The following SNX24 variants were observed in gnomAD, a reference collection of about 807,000 sequenced individuals.
The protein encoded by SNX24 is sorting nexin 24.
SNX24 carries 22 observed loss-of-function variants against 28.7 expected under a neutral mutation model. That is an observed-to-expected ratio of 0.77 (90% CI 0.55 to 1.10). The LOEUF is 1.10. Ranked by LOEUF, SNX24 falls within the 50% of genes least tolerant of loss-of-function variation. The probability of loss-of-function intolerance (pLI) is 0.00; values close to 1 mark genes in which losing one functional copy is unlikely to be tolerated. For synonymous variants in SNX24, 69 were observed against 71.5 expected (o/e 0.96, Z 0.18); for missense variants, 221 against 201.1 (o/e 1.10, Z -0.60).
In SNX24 at chr5:123,015,596, C is replaced by T. The variant is rs181321550; in HGVS notation, n.383+13592C>T. Among the ~76,000 whole-genome samples the T allele has an allele frequency of 8.9e-4, 135 of 152,250 alleles. 1 individual carries two copies. Among genetic ancestry groups the T allele is most frequent in the African/African-American group, 3.1e-3 (128 of 41,550 alleles). ...AGCATCACCCAAGAACTCTGTACAA[C>T]TTTTCAGGCCCTACCCCAGACTTGC... On this transcript the variant is annotated intron_variant and non_coding_transcript_variant, in intron 5 of 5. Transcript: ENST00000502387.
At chr5:122,900,107 A>G (rs1010703619) in intron 1 of SNX24, among the ~76,000 whole-genome samples, 1 of 149,908 alleles carries the variant, frequency 6.7e-6, no homozygotes, top group Non-Finnish European at 1.5e-5. Context: ...GCTGCCTTGA[A>G]CTCTCAGGCT....
chr5:122,909,656 A>C (rs1434557032), intron 1 of SNX24, among the ~76,000 whole-genome samples: 2 of 152,168 alleles, frequency 1.3e-5, no homozygotes, highest in African/African-American at 4.8e-5. Context: ...CTTACCTATT[A>C]AGATGACTTC....
intron 1 of SNX24, among the ~76,000 whole-genome samples, chr5:122,854,539 A>G (rs201702866): frequency 6.6e-6 from 1 of 150,786 alleles, no homozygotes; most frequent in Non-Finnish European, 1.5e-5. Context: ...AAAAAAAAAA[A>G]CATAGTGTTA....
At chr5:122,973,619 G>A (rs983586027) in intron 3 of SNX24, among the ~76,000 whole-genome samples, 3 of 152,208 alleles carry the variant, frequency 2.0e-5, no homozygotes, top group African/African-American at 7.2e-5. Context: ...GCTCAAGCCT[G>A]ATTACGTATA....
chr5:122,922,700 T>C (rs1232828651), intron 1 of SNX24, among the ~76,000 whole-genome samples: 2 of 152,190 alleles, frequency 1.3e-5, no homozygotes, highest in South Asian at 2.1e-4. Context: ...TTACAATTTT[T>C]CCCCCAGTGG....
chr5:122,890,218 T>C (rs1327508414), intron 1 of SNX24, among the ~76,000 whole-genome samples: 1 of 152,186 alleles, frequency 6.6e-6, no homozygotes, highest in Non-Finnish European at 1.5e-5. Flanking sequence ...AATGCTAATT[T>C]TGACCACTGG....
intron 1 of SNX24, among the ~76,000 whole-genome samples, chr5:122,906,383 T>G (rs1757646699): frequency 6.6e-6 from 1 of 152,230 alleles, no homozygotes; most frequent in Non-Finnish European, 1.5e-5. Flanking sequence ...TGGGTCTGAT[T>G]TGAATCAATT....
chr5:123,020,591 C>G (rs1158738303), intron 5 of SNX24, among the ~76,000 whole-genome samples: 1 of 152,202 alleles, frequency 6.6e-6, no homozygotes, highest in African/African-American at 2.4e-5. Flanking sequence ...CAATTCACAT[C>G]TTTACACATA....
intron 1 of SNX24, among the ~76,000 whole-genome samples, chr5:122,866,372 C>A (rs1235619635): frequency 6.6e-6 from 1 of 152,168 alleles, no homozygotes; most frequent in Non-Finnish European, 1.5e-5. Context: ...TGGTCTGGAG[C>A]TCCTGAACTC....
chr5:122,851,477 G>A (rs904275187), intron 1 of SNX24, among the ~76,000 whole-genome samples: 2 of 152,112 alleles, frequency 1.3e-5, no homozygotes, highest in African/African-American at 4.8e-5. Flanking sequence ...TTAGACTTCA[G>A]TTTTTATAGC....
intron 1 of SNX24, chr5:122,853,700 C>T (rs1026697255): frequency 2.2e-5 from 9 of 412,518 alleles, no homozygotes; most frequent in African/African-American, 6.1e-5. Context: ...GTTGCCCAGG[C>T]AGGCCCTGAA....
intron 3 of SNX24, among the ~76,000 whole-genome samples, chr5:122,997,886 G>T (rs912681821): frequency 3.3e-5 from 5 of 151,938 alleles, no homozygotes; most frequent in Non-Finnish European, 7.4e-5. Flanking sequence ...TACAAATTAG[G>T]CTTTATTATT....
At chr5:122,997,301 G>T (rs1269258810) in intron 3 of SNX24, among the ~76,000 whole-genome samples, 1 of 152,056 alleles carries the variant, frequency 6.6e-6, no homozygotes, top group Non-Finnish European at 1.5e-5. Context: ...GTACATATTG[G>T]TCATTGTTTT....
intron 1 of SNX24, among the ~76,000 whole-genome samples, chr5:122,899,741 A>G (rs776570164): frequency 1.5e-4 from 23 of 152,298 alleles, no homozygotes; most frequent in Non-Finnish European, 1.5e-4. Flanking sequence ...TTCCTTCAGC[A>G]CTTAATTTGA....
chr5:122,879,997 G>T (rs1193463291), intron 1 of SNX24, among the ~76,000 whole-genome samples: 1 of 152,164 alleles, frequency 6.6e-6, no homozygotes, highest in African/African-American at 2.4e-5. Flanking sequence ...TACCATTGTA[G>T]ATTTTTTCAA....
intron 1 of SNX24, among the ~76,000 whole-genome samples, chr5:122,892,214 C>A (rs116565306): frequency 6.6e-6 from 1 of 152,120 alleles, no homozygotes; most frequent in Non-Finnish European, 1.5e-5. Context: ...CCCACACCCA[C>A]ACACATAACA....
intron 5 of SNX24, among the ~76,000 whole-genome samples, chr5:123,024,443 A>G (rs1762820688): frequency 6.6e-6 from 1 of 152,218 alleles, no homozygotes; most frequent in Non-Finnish European, 1.5e-5. Context: ...AAGCAGATTC[A>G]GAAATGGACC....
chr5:122,847,115 A>G (rs1754674700), intron 1 of SNX24, among the ~76,000 whole-genome samples: 1 of 152,152 alleles, frequency 6.6e-6, no homozygotes, highest in African/African-American at 2.4e-5. Flanking sequence ...CTGAAGATAA[A>G]AAGGCTGCTT....
chr5:122,913,419 G>A (rs1408319572), intron 1 of SNX24, among the ~76,000 whole-genome samples: 14 of 150,666 alleles, frequency 9.3e-5, no homozygotes, highest in Admixed American at 1.3e-4. Context: ...CCTCCCGGAC[G>A]GGGCGGCTGG....
Sources: gnomAD v4.1 joint callset for allele counts (sites outside exome capture counted in the v4.1 genomes callset) on GRCh38, gnomAD v4.1.1 for gene constraint, MANE v1.5 for transcripts, NCBI Gene and HGNC (gene_info 2026-07-23, HGNC 2026-07-21) for gene names.